PTPN2: variants seen among roughly 807,000 people sequenced by gnomAD.
The protein encoded by PTPN2 is tyrosine-protein phosphatase non-receptor type 2.
In PTPN2, 19 loss-of-function variants were observed where a neutral mutation model predicts 57.3. The ratio of observed to expected loss-of-function variants is 0.33; its 90% CI spans 0.23 to 0.49. PTPN2 has a LOEUF of 0.49. Among genes scored for constraint, PTPN2 ranks in the 20% least tolerant of loss-of-function variants. The pLI is 0.99. For synonymous variants in PTPN2, 153 were observed against 164.9 expected (o/e 0.93, Z 0.55); for missense variants, 358 against 501.1 (o/e 0.71, Z 2.73).
Position 12,831,044 on chromosome 18 carries a change from G to A in PTPN2, c.262-3C>T. The A allele has an allele frequency of 6.3e-7, 1 of 1,591,338 alleles. No homozygotes were observed. The highest frequency in any genetic ancestry group is 1.3e-5 in the African/African-American group (1 of 74,598). ...CAGCATGTGTTAGGAAGTGGACCCTGTGAAGAGAGAGGAGAGAGAGCAGAT... is the reference window on the plus strand; with the variant it reads ...CAGCATGTGTTAGGAAGTGGACCCTATGAAGAGAGAGGAGAGAGAGCAGAT... On this transcript the variant is annotated splice_polypyrimidine_tract_variant and splice_region_variant and intron_variant, in intron 3 of 8. Transcript: ENST00000309660.
At chr18:12,883,887 TTTA>T in intron 1 of PTPN2, 183 bp downstream of exon 1, 1 of 506,866 alleles carries the variant, frequency 2.0e-6, no homozygotes, top group Non-Finnish European at 3.4e-6. Context: ...TTTTTTTTTT[TTTA>T]AACCAAAAGG....
intron 3 of PTPN2, among the ~76,000 whole-genome samples, chr18:12,832,362 C>T (rs941401625): frequency 3.9e-5 from 6 of 152,198 alleles, no homozygotes; most frequent in Admixed American, 2.6e-4. Context: ...AGTGATCCAC[C>T]TGCCTCAGCC....
At chr18:12,840,962 A>G (rs2043024858) in intron 2 of PTPN2, 1 of 1,457,358 alleles carries the variant, frequency 6.9e-7, no homozygotes, top group African/African-American at 1.4e-5. Flanking sequence ...TGCATTGAAT[A>G]CTTTCAGCAA....
intron 4 of PTPN2, among the ~76,000 whole-genome samples, chr18:12,830,650 T>C (rs779717984): frequency 9.9e-5 from 15 of 152,182 alleles, no homozygotes; most frequent in Non-Finnish European, 1.3e-4. Flanking sequence ...AGAGGACTTA[T>C]TGACAATAGG....
chr18:12,851,651 C>T (rs1248001189), intron 2 of PTPN2, among the ~76,000 whole-genome samples: 2 of 152,170 alleles, frequency 1.3e-5, no homozygotes, highest in African/African-American at 4.8e-5. Flanking sequence ...TAGCTGCATA[C>T]AAATCTCAGA....
chr18:12,860,683 A>G (rs996715310), intron 1 of PTPN2, among the ~76,000 whole-genome samples: 2 of 152,142 alleles, frequency 1.3e-5, no homozygotes, highest in Non-Finnish European at 2.9e-5. Flanking sequence ...AATCGCTTAA[A>G]CCCAGGAGGC....
At chr18:12,829,070 G>C (rs1195760211) in intron 4 of PTPN2, among the ~76,000 whole-genome samples, 1 of 152,054 alleles carries the variant, frequency 6.6e-6, no homozygotes, top group African/African-American at 2.4e-5. Context: ...GCTAATTTTT[G>C]TATTTTTTGT....
Position 12,883,912 on chromosome 18 carries a change from G to T in PTPN2, c.69+161C>A, listed in dbSNP as rs1170998294. 7.6e-6 allele frequency: 4 copies of T among 524,618 alleles called. No individual in the cohort carries two copies. The Admixed American group carries it at 1.1e-4, about 15-fold the overall frequency. The allele number at this position is 524,618 out of a possible 1,614,324, so 32.5% of individuals were successfully genotyped here. A position where few individuals can be genotyped will look rare whatever the true frequency, so the allele number is the denominator to read the frequency against. On this transcript the variant is annotated intron_variant, in intron 1 of 8. Coordinates refer to ENST00000309660, the MANE Select transcript of PTPN2 (RefSeq NM_002828.4). ...TTTAAACCAAAAGGAGCAAGAGAGC[G>T]GTCAGCGCAGGCGCGCCCCTGACGC...
rs373307224 is a variant in PTPN2, at chr18:12,852,191, A to ACACACAC, written c.160+6972_160+6973insGTGTGTG. 2.8e-5 allele frequency among the ~76,000 whole-genome samples: 4 copies of ACACACAC among 140,410 alleles called. No homozygotes were observed. The South Asian group carries it at 9.3e-4, about 33-fold the overall frequency. The allele number at this position is 140,410 out of a possible 152,430, so 92.1% of individuals were successfully genotyped here. A position where few individuals can be genotyped will look rare whatever the true frequency, so the allele number is the denominator to read the frequency against. ...CAAGAAATTTATGGTATGGGTTTTTAACACACACACACACACACACACACA... is the reference window on the plus strand; with the variant it reads ...CAAGAAATTTATGGTATGGGTTTTTACACACACACACACACACACACACACACACACA... On this transcript the variant is annotated intron_variant, in intron 2 of 8. Transcript: ENST00000309660.
At chr18:12,815,894 G>C (rs1056107090) in intron 6 of PTPN2, among the ~76,000 whole-genome samples, 7 of 152,294 alleles carry the variant, frequency 4.6e-5, no homozygotes, top group Non-Finnish European at 8.8e-5. Flanking sequence ...AATCTACTTT[G>C]TGCTGGCAGT....
intron 2 of PTPN2, among the ~76,000 whole-genome samples, chr18:12,849,292 C>T (rs2043312314): frequency 6.6e-6 from 1 of 152,244 alleles, no homozygotes; most frequent in Admixed American, 6.5e-5. Context: ...GGTGCAGAAG[C>T]TCACGCCTGT....
chr18:12,800,760 A>C (rs1253890328), intron 8 of PTPN2, among the ~76,000 whole-genome samples: 1 of 152,204 alleles, frequency 6.6e-6, no homozygotes, highest in Non-Finnish European at 1.5e-5. Flanking sequence ...TATTTGGCAA[A>C]AAGAGAAGAA....
At chr18:12,875,400 T>C (rs147988205) in intron 1 of PTPN2, among the ~76,000 whole-genome samples, 3 of 152,320 alleles carry the variant, frequency 2.0e-5, no homozygotes, top group African/African-American at 7.2e-5. Context: ...AAAGTTAGCC[T>C]GTGGAAATGT....
chr18:12,786,726 C>T lies in PTPN2; in HGVS notation c.1143-882G>A, dbSNP rs111374269. 2.1e-3 allele frequency: 320 copies of T among 152,322 alleles called. 1 individual carries two copies. The highest frequency in any genetic ancestry group is 7.3e-3 in the African/African-American group (303 of 41,578). The allele number at this position is 152,322 out of a possible 1,614,324, so 9.4% of individuals were successfully genotyped here. Reference sequence around the variant, plus strand: ...AAATAGGAAATACAAATCATATCCACACATTTAGTCAAAAACTCCCAAATG... The same window carrying T: ...AAATAGGAAATACAAATCATATCCATACATTTAGTCAAAAACTCCCAAATG... On this transcript the variant is annotated intron_variant, in intron 9 of 9. Transcript: ENST00000327283.
Position 12,817,165 on chromosome 18 carries a change from A to G in PTPN2, c.696T>C (p.Cys232=), listed in dbSNP as rs1243161924. Residue 232 remains cysteine, a synonymous_variant, in exon 6 of 9, where the codon TGT becomes TGC. Transcript: ENST00000309660. ...CGTAAGAAGCACTTACCAAAACAAG[A>G]CAAGTGTCTACCAGAGAGAAGGTGC... The part of the protein sequence containing the change: ...RSGTFSLVDT[C]LVLMEKGDDI... The G allele has an allele frequency of 1.9e-6, 3 of 1,613,552 alleles. No homozygotes were observed. The highest frequency in any genetic ancestry group is 2.2e-5 in the East Asian group (1 of 44,876).
chr18:12,791,580 C>T (rs75591153), downstream of PTPN2, among the ~76,000 whole-genome samples: 8 of 152,178 alleles, frequency 5.3e-5, no homozygotes, highest in East Asian at 1.9e-4. Flanking sequence ...GGGCACAACA[C>T]GATGTCATGT....
chr18:12,785,945 A>G (rs17656120), intron 9 of PTPN2: 130,558 of 1,009,360 alleles, frequency 0.13, 9,278 homozygotes, highest in African/African-American at 0.16. Flanking sequence ...AATGAACTGA[A>G]AAGGTGACCA....
intron 1 of PTPN2, among the ~76,000 whole-genome samples, chr18:12,871,537 AT>A: frequency 6.7e-6 from 1 of 149,364 alleles, no homozygotes; most frequent in East Asian, 2.0e-4. Flanking sequence ...AATATTTAAA[AT>A]TTTTTATCTT....
chr18:12,876,315 A>AAGAAGAAGAAGAAGAAGAAAT (rs1555681239), intron 1 of PTPN2, among the ~76,000 whole-genome samples: 22 of 151,030 alleles, frequency 1.5e-4, no homozygotes, highest in African/African-American at 5.4e-4. Flanking sequence ...GAAGAAGAAG[A>AAGAAGAAGAAGAAGAAGAAAT]AATTTGTCAG....
Sources: allele counts gnomAD v4.1 joint callset (sites outside exome capture counted in the v4.1 genomes callset), GRCh38; gene constraint gnomAD v4.1.1; transcripts MANE v1.5; gene names NCBI Gene and HGNC (gene_info 2026-07-23, HGNC 2026-07-21).